ROBO2: variants seen among roughly 807,000 people sequenced by gnomAD.
ROBO2 encodes roundabout homolog 2.
ROBO2 carries 53 observed loss-of-function variants against 160.8 expected under a neutral mutation model. The ratio of observed to expected loss-of-function variants is 0.33; its 90% CI spans 0.26 to 0.41. The LOEUF (loss-of-function observed/expected upper bound fraction) is 0.41, where lower values mean the gene tolerates loss of function less well. Ranked by LOEUF, ROBO2 falls within the 10% of genes least tolerant of loss-of-function variation. ROBO2 has a pLI of 1.00. For synonymous variants in ROBO2, 664 were observed against 611.7 expected (o/e 1.09, Z -1.26); for missense variants, 1,577 against 1,722.4 (o/e 0.92, Z 1.49).
chr3:76,512,244 T>C (rs894712874), intron 2 of ROBO2, among the ~76,000 whole-genome samples: 3 of 150,654 alleles, frequency 2.0e-5, no homozygotes, highest in Non-Finnish European at 4.4e-5. Context: ...CTTAAATATA[T>C]ATATATGGAA....
chr3:76,785,093 C>T (rs2108650699), intron 2 of ROBO2, among the ~76,000 whole-genome samples: 1 of 151,276 alleles, frequency 6.6e-6, no homozygotes, highest in South Asian at 2.1e-4. Flanking sequence ...TTGCTGATGT[C>T]ATTCCCACAT....
At chr3:77,545,167 C>G (rs1215382232) in intron 6 of ROBO2, among the ~76,000 whole-genome samples, 1 of 152,070 alleles carries the variant, frequency 6.6e-6, no homozygotes, top group African/African-American at 2.4e-5. Flanking sequence ...CCAAAAATTA[C>G]TTTTGCATCT....
rs551262446 is a variant in ROBO2 at position 77,294,499 on chromosome 3, G to A, written c.389-182915G>A. On this transcript the variant is annotated intron_variant, in intron 2 of 25. Transcript: ENST00000461745. ...GGTAAGCTGAGGCTAGATCACCCCAGACATTAAGTAAAATTGATGGTTAAA... is the reference window on the plus strand; with the variant it reads ...GGTAAGCTGAGGCTAGATCACCCCAAACATTAAGTAAAATTGATGGTTAAA... Among the ~76,000 whole-genome samples, 175 of 145,604 alleles carry A rather than the reference G, an allele frequency of 1.2e-3. 11 individuals are homozygous for A. Among genetic ancestry groups the A allele is most frequent in the African/African-American group, 4.4e-3 (162 of 36,910 alleles).
At chr3:76,938,673 C>CA (rs1216555018) in intron 2 of ROBO2, among the ~76,000 whole-genome samples, 1 of 151,836 alleles carries the variant, frequency 6.6e-6, no homozygotes, top group Non-Finnish European at 1.5e-5. Context: ...CATCTCTGCA[C>CA]AAAAAAGCAG....
intron 2 of ROBO2, among the ~76,000 whole-genome samples, chr3:77,305,376 A>AGACTGTAAAACTGAAGGTTGC (rs1248769387): frequency 6.6e-6 from 1 of 152,194 alleles, no homozygotes; most frequent in African/African-American, 2.4e-5. Context: ...TCTGAGGGTG[A>AGACTGTAAAACTGAAGGTTGC]GACTGTAAAA....
intron 2 of ROBO2, among the ~76,000 whole-genome samples, chr3:76,067,102 G>A (rs1475325974): frequency 6.6e-6 from 1 of 152,180 alleles, no homozygotes; most frequent in Non-Finnish European, 1.5e-5. Context: ...GCTGAGCAAA[G>A]TGGTTCAGGC....
intron 2 of ROBO2, among the ~76,000 whole-genome samples, chr3:76,075,394 G>A (rs6802647): frequency 0.62 from 93,659 of 150,504 alleles, 29,741 homozygotes; most frequent in African/African-American, 0.74. Context: ...GTTTCTGTAC[G>A]CTCTTCCTCT....
At chr3:76,304,728 C>CT (rs1460694392) in intron 2 of ROBO2, among the ~76,000 whole-genome samples, 158 of 86,700 alleles carry the variant, frequency 1.8e-3, no homozygotes, top group Middle Eastern at 6.2e-3. Flanking sequence ...TTCTTTCTTT[C>CT]TTTCTTTTCT....
At position 76,247,956 on chromosome 3, in the gene ROBO2, A is replaced by C. The variant is rs373918068; in HGVS notation, c.109+310354A>C. 8.3e-3 allele frequency among the ~76,000 whole-genome samples: 1,258 copies of C among 151,930 alleles called. 22 individuals carry two copies. Among genetic ancestry groups the C allele is most frequent in the African/African-American group, 0.028 (1,152 of 41,374 alleles). ...CCACAATGAGATACCATCTCACACC[A>C]GTTAGAATGGCAATCATTAAAAAGT... On this transcript the variant is annotated intron_variant, in intron 2 of 26. Coordinates refer to the ROBO2 transcript ENST00000487694.
chr3:75,983,427 T>G (rs1191160536), intron 2 of ROBO2, among the ~76,000 whole-genome samples: 2 of 151,398 alleles, frequency 1.3e-5, no homozygotes, highest in Non-Finnish European at 3.0e-5. Context: ...AAAATATTCT[T>G]TAGTTTTAAA....
At position 76,965,612 on chromosome 3, in the gene ROBO2, A is replaced by G. The variant is rs144276567; in HGVS notation, c.110-132402A>G. On this transcript the variant is annotated intron_variant, in intron 2 of 26. Coordinates refer to the ROBO2 transcript ENST00000487694. The stretch of plus-strand genomic sequence containing the variant: ...TGTTTCTACACTTAATACATATGCA[A>G]TGTTAGGCAAGCAAATTAACTTCTC... Among the ~76,000 whole-genome samples the G allele has an allele frequency of 6.6e-5, 10 of 150,606 alleles. No individual in the cohort carries two copies. In the South Asian group the frequency reaches 2.0e-3, roughly 30 times the overall value.
chr3:76,797,584 A>T (rs2063800952), intron 2 of ROBO2, among the ~76,000 whole-genome samples: 1 of 151,942 alleles, frequency 6.6e-6, no homozygotes, highest in Non-Finnish European at 1.5e-5. Flanking sequence ...AAAAGATCAG[A>T]TTAGAAAAAA....
chr3:77,613,077 A>T (rs534563517), intron 21 of ROBO2, among the ~76,000 whole-genome samples: 85 of 152,340 alleles, frequency 5.6e-4, no homozygotes, highest in Non-Finnish European at 1.0e-3. Flanking sequence ...GCCAAATACA[A>T]TATTTATATG....
intron 2 of ROBO2, among the ~76,000 whole-genome samples, chr3:76,851,474 G>A (rs978810810): frequency 2.6e-5 from 4 of 151,894 alleles, no homozygotes; most frequent in South Asian, 2.1e-4. Flanking sequence ...GGTGGCTCAC[G>A]CCTGTAATCC....
chr3:77,552,737 CA>C (rs1189769228), intron 8 of ROBO2, among the ~76,000 whole-genome samples: 1 of 151,944 alleles, frequency 6.6e-6, no homozygotes, highest in African/African-American at 2.4e-5. Flanking sequence ...TTGATTTTGA[CA>C]GTAAAGAAAT....
intron 2 of ROBO2, among the ~76,000 whole-genome samples, chr3:76,636,935 T>C (rs527425869): frequency 7.4e-6 from 1 of 134,528 alleles, no homozygotes; most frequent in South Asian, 2.5e-4. Flanking sequence ...GTGGGTAGAA[T>C]AGAGTGATGG....
At chr3:76,073,438 G>A (rs1029278073) in intron 2 of ROBO2, among the ~76,000 whole-genome samples, 1 of 150,830 alleles carries the variant, frequency 6.6e-6, no homozygotes, top group Non-Finnish European at 1.5e-5. Context: ...GACTACAGGC[G>A]CCGCCCCCAC....
intron 2 of ROBO2, among the ~76,000 whole-genome samples, chr3:77,397,500 G>A (rs962256609): frequency 6.6e-6 from 1 of 152,240 alleles, no homozygotes; most frequent in South Asian, 2.1e-4. Context: ...GGCAGCCCAG[G>A]TTGGAGATGA....
At chr3:76,752,849 T>A (rs996783046) in intron 2 of ROBO2, among the ~76,000 whole-genome samples, 3 of 152,028 alleles carry the variant, frequency 2.0e-5, no homozygotes, top group African/African-American at 7.2e-5. Flanking sequence ...AGGGACTTTT[T>A]TGTATTTTTG....
Sources: allele counts gnomAD v4.1 joint callset (sites outside exome capture counted in the v4.1 genomes callset), GRCh38; gene constraint gnomAD v4.1.1; transcripts MANE v1.5; gene names NCBI Gene and HGNC (gene_info 2026-07-23, HGNC 2026-07-21).